The following LRRC37A2 variants were observed in gnomAD, a reference collection of about 807,000 sequenced individuals.
LRRC37A2 encodes the protein leucine rich repeat containing 37 member A2.
Under a neutral mutation model 68.8 loss-of-function variants are expected in LRRC37A2, and 9 were observed. The observed-to-expected ratio is 0.13, with a 90% confidence interval of 0.08 to 0.23. The LOEUF (loss-of-function observed/expected upper bound fraction) is 0.23, where lower values mean the gene tolerates loss of function less well. LRRC37A2 is among the 10% of genes least tolerant of loss of function. The pLI is 1.00. For missense variants in LRRC37A2, 168 were observed against 950.4 expected, an observed-to-expected ratio of 0.18 and a Z score of 10.82; for synonymous variants, 63 against 367.6, an observed-to-expected ratio of 0.17 and a Z score of 9.48.
the LRRC37A2 span, among the ~76,000 whole-genome samples, chr17:46,853,742 A>G: frequency 1.4e-4 from 21 of 152,224 alleles, no homozygotes; most frequent in East Asian, 7.7e-4. Context: ...CTGGAATGGA[A>G]AGGGATGGGA....
the LRRC37A2 span, among the ~76,000 whole-genome samples, chr17:46,877,980 C>T: frequency 6.6e-6 from 1 of 152,222 alleles, no homozygotes; most frequent in Non-Finnish European, 1.5e-5. Flanking sequence ...ACATTTTCAG[C>T]AGCACCTGCC....
the LRRC37A2 span, among the ~76,000 whole-genome samples, chr17:46,777,169 C>T: frequency 6.6e-6 from 1 of 152,150 alleles, no homozygotes; most frequent in South Asian, 2.1e-4. Flanking sequence ...AAGATCATGC[C>T]GCTGCACTCC....
chr17:46,727,690 T>A, the LRRC37A2 span, among the ~76,000 whole-genome samples: 1 of 152,156 alleles, frequency 6.6e-6, no homozygotes, highest in Non-Finnish European at 1.5e-5. Context: ...TATGGGATGA[T>A]TTCTTTAAAA....
the LRRC37A2 span, among the ~76,000 whole-genome samples, chr17:46,998,432 G>A: frequency 2.9e-4 from 44 of 152,308 alleles, no homozygotes; most frequent in African/African-American, 1.0e-3. Context: ...GTCTTGTCAC[G>A]TGCAGCCATG....
chr17:46,490,663 G>A, the LRRC37A2 span, among the ~76,000 whole-genome samples: 1 of 148,742 alleles, frequency 6.7e-6, no homozygotes, highest in Non-Finnish European at 1.5e-5. Context: ...GGCGGAGGTT[G>A]CAGTGAGCCG....
the LRRC37A2 span, among the ~76,000 whole-genome samples, chr17:46,888,037 G>A: frequency 6.6e-6 from 1 of 152,158 alleles, no homozygotes; most frequent in Non-Finnish European, 1.5e-5. Flanking sequence ...TCCATTTCTT[G>A]TTGCTTTTGA....
the LRRC37A2 span, among the ~76,000 whole-genome samples, chr17:46,771,783 GCGCC>G: frequency 1.4e-5 from 2 of 141,036 alleles, no homozygotes; most frequent in Non-Finnish European, 3.1e-5. Context: ...GCGCCGCGCC[GCGCC>G]GAATGGCCAG....
chr17:46,956,401 C>A, the LRRC37A2 span, among the ~76,000 whole-genome samples: 1 of 150,818 alleles, frequency 6.6e-6, no homozygotes, highest in South Asian at 2.1e-4. Context: ...AGCGATTCTC[C>A]TGCCTCAGCC....
chr17:46,823,939 T>C, the LRRC37A2 span, among the ~76,000 whole-genome samples: 4 of 152,184 alleles, frequency 2.6e-5, no homozygotes, highest in Non-Finnish European at 5.9e-5. Flanking sequence ...AGACTGCGGA[T>C]GGTGAATACA....
At chr17:46,746,498 A>G in the LRRC37A2 span, among the ~76,000 whole-genome samples, 9 of 152,338 alleles carry the variant, frequency 5.9e-5, 1 homozygote, top group Non-Finnish European at 1.0e-4. Context: ...TCTTTTCCCG[A>G]TAGCCCATTT....
the LRRC37A2 span, chr17:46,979,134 G>T: frequency 9.5e-7 from 1 of 1,051,528 alleles, no homozygotes; most frequent in Non-Finnish European, 1.2e-6. Context: ...GGGGACGAAG[G>T]CGGGAGGCTG....
At chr17:46,839,971 TCTTTCTCTTC>T in the LRRC37A2 span, among the ~76,000 whole-genome samples, 112 of 144,452 alleles carry the variant, frequency 7.8e-4, no homozygotes, top group African/African-American at 1.1e-3. Context: ...TTTCTTTCTT[TCTTTCTCTTC>T]TTTCTTTCTT....
the LRRC37A2 span, chr17:46,770,055 G>A: frequency 1.1e-5 from 17 of 1,538,188 alleles, no homozygotes; most frequent in African/African-American, 1.4e-5. Context: ...GTGGCTGCGG[G>A]GAGGTCGTGG....
At chr17:46,823,126 T>C in the LRRC37A2 span, among the ~76,000 whole-genome samples, 1 of 133,296 alleles carries the variant, frequency 7.5e-6, no homozygotes, top group Non-Finnish European at 1.6e-5. Context: ...ATATATTATA[T>C]ATTATATATA....
chr17:46,909,470 A>G, the LRRC37A2 span, among the ~76,000 whole-genome samples: 1 of 152,274 alleles, frequency 6.6e-6, no homozygotes, highest in African/African-American at 2.4e-5. Flanking sequence ...AACATAAAAC[A>G]TAAATGTAAG....
the LRRC37A2 span, among the ~76,000 whole-genome samples, chr17:46,747,464 G>A: frequency 6.6e-6 from 1 of 151,974 alleles, no homozygotes; most frequent in Non-Finnish European, 1.5e-5. Context: ...TATTTTTGTT[G>A]AGATGAGGTT....
the LRRC37A2 span, among the ~76,000 whole-genome samples, chr17:46,449,706 G>T: frequency 1.1e-5 from 1 of 94,404 alleles, no homozygotes; most frequent in Non-Finnish European, 2.3e-5. Context: ...ATACTAAAAT[G>T]TACTTTTTAT....
At chr17:46,955,211 A>T in the LRRC37A2 span, among the ~76,000 whole-genome samples, 3 of 151,930 alleles carry the variant, frequency 2.0e-5, no homozygotes, top group Non-Finnish European at 4.4e-5. Flanking sequence ...ATTTATTGAG[A>T]GTTTTTAGCA....
chr17:46,826,790 T>A, the LRRC37A2 span, among the ~76,000 whole-genome samples: 1 of 151,140 alleles, frequency 6.6e-6, no homozygotes, highest in South Asian at 2.1e-4. Context: ...TCTTTTTTTT[T>A]TTTTTTTTTT....
Sources: allele counts gnomAD v4.1 joint callset (sites outside exome capture counted in the v4.1 genomes callset), GRCh38; gene constraint gnomAD v4.1.1; transcripts MANE v1.5; gene names NCBI Gene and HGNC (gene_info 2026-07-23, HGNC 2026-07-21).